The following ZMYM4 variants were observed in gnomAD, a reference collection of about 807,000 sequenced individuals.
ZMYM4 encodes the protein zinc finger MYM-type containing 4, also known as zinc finger MYM-type protein 4.
Under a neutral mutation model 183.2 loss-of-function variants are expected in ZMYM4, and 31 were observed. The observed-to-expected ratio is 0.17, with a 90% CI of 0.13 to 0.23. The LOEUF (loss-of-function observed/expected upper bound fraction) is 0.23, where lower values mean the gene tolerates loss of function less well. ZMYM4 is among the 10% of genes least tolerant of loss of function. The pLI is 1.00. For synonymous variants in ZMYM4, 592 were observed against 631.2 expected (o/e 0.94, Z 0.93); for missense variants, 1,273 against 1,840.3 (o/e 0.69, Z 5.64).
chr1:35,390,032 C>A lies in ZMYM4; in HGVS notation c.2521C>A (p.Leu841Met). 1 of 1,613,904 alleles carries A rather than the reference C, an allele frequency of 6.2e-7. No individual in the cohort carries two copies. Among genetic ancestry groups the A allele is most frequent in the Non-Finnish European group, 8.5e-7 (1 of 1,179,952 alleles). Reference protein sequence around the residue: ...WRGEMKHFCNLLCILMFCNQQ... With the variant: ...WRGEMKHFCNMLCILMFCNQQ... ...AGGGGAAATGAAACATTTCTGTAAC[C>A]TGCTTTGTATCTTGATGTTCTGTAA... is the stretch of plus-strand genomic sequence containing the variant. Residue 841 changes from leucine (L) to methionine (M), a missense_variant, in exon 15 of 30, where the codon CTG (leucine) becomes ATG (methionine). Around this residue, in one of 6 missense-constraint regions of ZMYM4, gnomAD observed 290 missense variants for 353.3 expected, o/e 0.82. Coordinates refer to ENST00000314607, the MANE Select transcript of ZMYM4 (RefSeq NM_005095.3).
chr1:35,336,389 C>CTT (rs35011285), intron 2 of ZMYM4, among the ~76,000 whole-genome samples: 5 of 143,700 alleles, frequency 3.5e-5, no homozygotes, highest in African/African-American at 1.0e-4. Flanking sequence ...TCACAATTAC[C>CTT]TTTTTTTTTT....
In ZMYM4 at chr1:35,361,692, G is replaced by T. The variant is rs148975513; in HGVS notation, c.743G>T (p.Arg248Ile). Residue 248 changes from arginine to isoleucine, a missense_variant, in exon 5 of 30, where the codon AGA becomes ATA. Arg to Ile is a moderately conservative substitution (Grantham distance 97, BLOSUM62 -3). Coordinates refer to ENST00000314607, the MANE Select transcript of ZMYM4 (RefSeq NM_005095.3). ...GGGAATTCCTTTGCATCAAATATTA[G>T]AATTAAAGAAGAACCTTTGGATGAT... is the stretch of plus-strand genomic sequence containing the variant. The part of the protein sequence containing the change: ...ELGNSFASNI[R>I]IKEEPLDDEY... 82 of 1,613,634 alleles carry T rather than the reference G, an allele frequency of 5.1e-5. No individual in the cohort carries two copies. The highest frequency in any genetic ancestry group is 1.5e-5 in the Non-Finnish European group (18 of 1,179,824).
chr1:35,399,137 TG>T, intron 22 of ZMYM4, 94 bp downstream of exon 22: 21 of 1,262,266 alleles, frequency 1.7e-5, no homozygotes, highest in Non-Finnish European at 2.2e-5. Context: ...CAATTGTTAT[TG>T]ATAATAACAG....
chr1:35,310,938 T>C (rs1641766507), intron 1 of ZMYM4, among the ~76,000 whole-genome samples: 1 of 152,124 alleles, frequency 6.6e-6, no homozygotes, highest in African/African-American at 2.4e-5. Context: ...TTTTTGACAT[T>C]TGGTGCATAC....
At chr1:35,317,928 A>T (rs959082327) in intron 1 of ZMYM4, among the ~76,000 whole-genome samples, 1 of 152,222 alleles carries the variant, frequency 6.6e-6, no homozygotes, top group Admixed American at 6.5e-5. Flanking sequence ...AAAGAGACGA[A>T]TGTCATAGTG....
intron 2 of ZMYM4, among the ~76,000 whole-genome samples, chr1:35,337,931 T>G (rs1027268316): frequency 1.3e-5 from 2 of 152,112 alleles, no homozygotes; most frequent in Non-Finnish European, 2.9e-5. Context: ...AGAGCGAGAC[T>G]CCATCTCAAA....
Position 35,358,907 on chromosome 1 carries a change from A to C in ZMYM4, c.86-18A>C. The C allele has an allele frequency of 6.3e-7, 1 of 1,599,266 alleles. No individual in the cohort carries two copies. The highest frequency in any genetic ancestry group is 8.5e-7 in the Non-Finnish European group (1 of 1,171,270). ...CTTTAGCACTATCATTTGTCTAAAC[A>C]GTATTTTACTTTTTAAGGTGGTGGT... On this transcript the variant is annotated intron_variant, in intron 2 of 29. Transcript: ENST00000314607.
chr1:35,394,719 T>C (rs1180338984), intron 18 of ZMYM4, among the ~76,000 whole-genome samples: 1 of 152,194 alleles, frequency 6.6e-6, no homozygotes, highest in African/African-American at 2.4e-5. Flanking sequence ...TTTAGGACAA[T>C]TTCCCAAGAA....
chr1:35,308,835 T>G (rs1445586149), intron 1 of ZMYM4, among the ~76,000 whole-genome samples: 1 of 152,172 alleles, frequency 6.6e-6, no homozygotes, highest in Non-Finnish European at 1.5e-5. Flanking sequence ...CACTCCAGCC[T>G]GGGTGACAGA....
chr1:35,320,456 C>G (rs1395674054), intron 1 of ZMYM4, among the ~76,000 whole-genome samples: 1 of 152,214 alleles, frequency 6.6e-6, no homozygotes, highest in Non-Finnish European at 1.5e-5. Context: ...TCAGGTTGTT[C>G]ACCTGTATCC....
At chr1:35,393,781 G>T (rs758557375) in intron 18 of ZMYM4, 42 bp downstream of exon 18, 3 of 1,545,736 alleles carry the variant, frequency 1.9e-6, no homozygotes, top group Non-Finnish European at 1.7e-6. Context: ...TTTTTTAAGG[G>T]AAAGAAATGT....
chr1:35,302,200 C>CCTTTTTTTT (rs1641311910), intron 1 of ZMYM4, among the ~76,000 whole-genome samples: 1 of 58,556 alleles, frequency 1.7e-5, no homozygotes, highest in African/African-American at 6.4e-5. Context: ...ACGGCTCTTG[C>CCTTTTTTTT]TTTTTTTTTT....
intron 2 of ZMYM4, among the ~76,000 whole-genome samples, chr1:35,337,365 T>C (rs1238806499): frequency 6.6e-6 from 1 of 152,110 alleles, no homozygotes; most frequent in Non-Finnish European, 1.5e-5. Context: ...CCAACTCATA[T>C]ATATATGTAT....
chr1:35,281,652 C>T (rs1640165615), intron 1 of ZMYM4, among the ~76,000 whole-genome samples: 1 of 69,750 alleles, frequency 1.4e-5, no homozygotes, highest in Non-Finnish European at 2.7e-5. Flanking sequence ...AAAAGCAAAT[C>T]ATATAATAAA....
chr1:35,406,738 C>T (rs1645009233), intron 25 of ZMYM4, among the ~76,000 whole-genome samples: 1 of 152,138 alleles, frequency 6.6e-6, no homozygotes, highest in Non-Finnish European at 1.5e-5. Flanking sequence ...TCGGTGCTCT[C>T]ATGAGATACG....
At chr1:35,374,672 CA>C (rs34853951) in intron 7 of ZMYM4, among the ~76,000 whole-genome samples, 2,677 of 105,714 alleles carry the variant, frequency 0.025, 68 homozygotes, top group African/African-American at 0.08. Flanking sequence ...ATCTCCGTCT[CA>C]AAAAAAAAAA....
At chr1:35,416,723 C>G (rs1457708340) in intron 28 of ZMYM4, among the ~76,000 whole-genome samples, 1 of 152,146 alleles carries the variant, frequency 6.6e-6, no homozygotes, top group African/African-American at 2.4e-5. Flanking sequence ...GCTACCACGC[C>G]TGGCTAATTT....
At chr1:35,353,389 T>A (rs1643699514) in intron 2 of ZMYM4, among the ~76,000 whole-genome samples, 1 of 152,254 alleles carries the variant, frequency 6.6e-6, no homozygotes, top group South Asian at 2.1e-4. Flanking sequence ...AATTTGTCTG[T>A]AGAGTCTTCT....
intron 1 of ZMYM4, among the ~76,000 whole-genome samples, chr1:35,294,545 A>G (rs960953792): frequency 2.0e-5 from 3 of 152,186 alleles, no homozygotes; most frequent in African/African-American, 7.2e-5. Flanking sequence ...TGATACTGGT[A>G]TGGGAATGCT....
Sources: gnomAD v4.1 joint callset for allele counts (sites outside exome capture counted in the v4.1 genomes callset) on GRCh38, gnomAD v4.1.1 for gene constraint, gnomAD v4.1.1 regional missense constraint, MANE v1.5 for transcripts, NCBI Gene and HGNC (gene_info 2026-07-23, HGNC 2026-07-21) for gene names.